The following HS3ST2 variants were observed in gnomAD, a reference collection of about 807,000 sequenced individuals.
HS3ST2 encodes the protein heparan sulfate glucosamine 3-O-sulfotransferase 2.
Under a neutral mutation model 26.3 loss-of-function variants are expected in HS3ST2, and 17 were observed. The observed-to-expected ratio is 0.65, with a 90% CI of 0.44 to 0.97. The LOEUF (loss-of-function observed/expected upper bound fraction) is 0.97. Ranked by LOEUF, HS3ST2 falls within the 50% of genes least tolerant of loss-of-function variation. The probability of loss-of-function intolerance (pLI) is 0.00; values close to 1 mark genes in which losing one functional copy is unlikely to be tolerated. For synonymous variants in HS3ST2, 237 were observed against 219.2 expected (o/e 1.08, Z -0.72); for missense variants, 402 against 501.2 (o/e 0.80, Z 1.89).
In HS3ST2 at chr16:22,815,022, C is replaced by G. The variant is rs770678863; in HGVS notation, c.412C>G (p.Pro138Ala). The G allele has an allele frequency of 6.2e-7, 1 of 1,613,138 alleles. No individual in the cohort carries two copies. Among genetic ancestry groups the G allele is most frequent in the Non-Finnish European group, 8.5e-7 (1 of 1,180,006 alleles). ...CGTGCTGGAGTTTATCCGAGTACAC[C>G]CGGACGTGCGGGCCTTGGGCACGGA... The part of the protein sequence containing the change: ...RAVLEFIRVH[P>A]DVRALGTEPH... Residue 138 changes from proline (P) to alanine (A), a missense_variant, in exon 1 of 2, where the codon CCG becomes GCG. Pro to Ala is a conservative substitution (Grantham distance 27). Coordinates refer to ENST00000261374, the MANE Select transcript of HS3ST2 (RefSeq NM_006043.2).
At chr16:22,820,872 C>T (rs750897958) in intron 1 of HS3ST2, among the ~76,000 whole-genome samples, 1 of 152,168 alleles carries the variant, frequency 6.6e-6, no homozygotes, top group Non-Finnish European at 1.5e-5. Flanking sequence ...TTCTAAGAAG[C>T]GTCTTTAACA....
chr16:22,842,555 C>A (rs71380920), intron 1 of HS3ST2, among the ~76,000 whole-genome samples: 3,466 of 152,142 alleles, frequency 0.023, 97 homozygotes, highest in Admixed American at 0.085. Flanking sequence ...CCTCTGGTGA[C>A]CACCCTTCTA....
intron 1 of HS3ST2, among the ~76,000 whole-genome samples, chr16:22,876,979 G>A (rs904425399): frequency 2.0e-5 from 3 of 152,184 alleles, no homozygotes; most frequent in Non-Finnish European, 2.9e-5. Context: ...AACTTGGGGG[G>A]AAGGATGGAA....
At position 22,821,650 on chromosome 16, in the gene HS3ST2, A is replaced by C. The variant is rs568093472; in HGVS notation, c.485+6555A>C. Among the ~76,000 whole-genome samples the C allele has an allele frequency of 7.2e-5, 11 of 152,170 alleles. 2 individuals are homozygous for C. Among genetic ancestry groups the C allele is most frequent in the African/African-American group, 2.4e-4 (10 of 41,514 alleles). Reference sequence around the variant, plus strand: ...AGCTAACTCCGGTGCAGGTTAATCCATTCGTTTGTCAAATGCTTTCCATTG... The same window carrying C: ...AGCTAACTCCGGTGCAGGTTAATCCCTTCGTTTGTCAAATGCTTTCCATTG... On this transcript the variant is annotated intron_variant, in intron 1 of 1. Coordinates refer to ENST00000261374, the MANE Select transcript of HS3ST2 (RefSeq NM_006043.2).
At chr16:22,821,415 G>C (rs1045339172) in intron 1 of HS3ST2, among the ~76,000 whole-genome samples, 2 of 151,310 alleles carry the variant, frequency 1.3e-5, no homozygotes, top group Non-Finnish European at 2.9e-5. Context: ...AATCATTCCT[G>C]TATGATCGAG....
At chr16:22,836,900 C>A (rs992082251) in intron 1 of HS3ST2, among the ~76,000 whole-genome samples, 2 of 152,022 alleles carry the variant, frequency 1.3e-5, no homozygotes, top group Non-Finnish European at 2.9e-5. Flanking sequence ...TCAAGTGATC[C>A]ACCCACCTCA....
intron 1 of HS3ST2, among the ~76,000 whole-genome samples, chr16:22,910,048 A>AAAG (rs1179617551): frequency 1.3e-5 from 2 of 151,684 alleles, no homozygotes; most frequent in Non-Finnish European, 2.9e-5. Flanking sequence ...AAAAAAAAAA[A>AAAG]AAAAAAGAAA....
At chr16:22,835,371 T>C (rs574209646) in intron 1 of HS3ST2, among the ~76,000 whole-genome samples, 1 of 152,258 alleles carries the variant, frequency 6.6e-6, no homozygotes, top group East Asian at 1.9e-4. Flanking sequence ...AAGAGTAACT[T>C]AGAGAACGAC....
chr16:22,857,517 C>T (rs1305631631), intron 1 of HS3ST2, among the ~76,000 whole-genome samples: 1 of 152,170 alleles, frequency 6.6e-6, no homozygotes, highest in East Asian at 1.9e-4. Flanking sequence ...AATTCACTTA[C>T]AAGTTTGGCC....
In HS3ST2 at chr16:22,915,247, C is replaced by T; in HGVS notation, c.789C>T (p.Tyr263=). The T allele has an allele frequency of 6.2e-7, 1 of 1,614,192 alleles. No individual in the cohort carries two copies. Among genetic ancestry groups the T allele is most frequent in the Non-Finnish European group, 8.5e-7 (1 of 1,180,030 alleles). The part of the protein sequence containing the change: ...YVLHLESWLQ[Y]FPLAQIHFVS... The stretch of plus-strand genomic sequence containing the variant: ...TGCACCTGGAGAGCTGGCTGCAGTA[C>T]TTCCCGCTAGCTCAGATTCACTTCG... The change falls in exon 2 of 2, where the codon TAC becomes TAT. Residue 263 remains tyrosine (Y), a synonymous_variant. Transcript: ENST00000261374.
At chr16:22,911,511 G>A (rs1460472603) in intron 1 of HS3ST2, among the ~76,000 whole-genome samples, 1 of 152,208 alleles carries the variant, frequency 6.6e-6, no homozygotes, top group Non-Finnish European at 1.5e-5. Flanking sequence ...CAGTTCTAGA[G>A]GATAGAAGTC....
At chr16:22,875,369 AATTTATTTATTT>A (rs538593972) in intron 1 of HS3ST2, among the ~76,000 whole-genome samples, 5 of 151,492 alleles carry the variant, frequency 3.3e-5, no homozygotes, top group East Asian at 1.9e-4. Flanking sequence ...ACTTTTAATA[AATTTATTTATTT>A]ATTTATTTAT....
chr16:22,838,286 G>C (rs1357926538), intron 1 of HS3ST2, among the ~76,000 whole-genome samples: 1 of 152,090 alleles, frequency 6.6e-6, no homozygotes, highest in African/African-American at 2.4e-5. Context: ...CCACGACCCA[G>C]GATTTTGAAG....
intron 1 of HS3ST2, among the ~76,000 whole-genome samples, chr16:22,864,421 A>G (rs16973865): frequency 0.092 from 14,056 of 152,260 alleles, 1,285 homozygotes; most frequent in East Asian, 0.3. Context: ...ATTGGTTTGA[A>G]CACATGGAAG....
chr16:22,816,277 A>G (rs747226785), intron 1 of HS3ST2, among the ~76,000 whole-genome samples: 1 of 152,228 alleles, frequency 6.6e-6, no homozygotes, highest in Non-Finnish European at 1.5e-5. Flanking sequence ...TAGCTGACAG[A>G]GTAGCTGAGG....
chr16:22,824,833 G>T (rs1901059122), intron 1 of HS3ST2, among the ~76,000 whole-genome samples: 1 of 152,152 alleles, frequency 6.6e-6, no homozygotes, highest in Non-Finnish European at 1.5e-5. Context: ...AAGGGAGATG[G>T]CTTTCTTCCA....
intron 1 of HS3ST2, among the ~76,000 whole-genome samples, chr16:22,914,510 A>C (rs1032789552): frequency 6.6e-6 from 1 of 152,006 alleles, no homozygotes; most frequent in Non-Finnish European, 1.5e-5. Flanking sequence ...GTTCGAGACT[A>C]GCCTGGCAAC....
At chr16:22,850,934 C>T (rs1411484349) in intron 1 of HS3ST2, among the ~76,000 whole-genome samples, 1 of 152,212 alleles carries the variant, frequency 6.6e-6, no homozygotes, top group Non-Finnish European at 1.5e-5. Context: ...TCAAGCATGA[C>T]TTACCTGCAT....
intron 1 of HS3ST2, among the ~76,000 whole-genome samples, chr16:22,834,953 A>ATTTC (rs56004403): frequency 0.24 from 35,960 of 151,498 alleles, 4,893 homozygotes; most frequent in African/African-American, 0.37. Flanking sequence ...TGTTGGAGAT[A>ATTTC]TTTCTTTCCA....
Sources: gnomAD v4.1 joint callset for allele counts (sites outside exome capture counted in the v4.1 genomes callset) on GRCh38, gnomAD v4.1.1 for gene constraint, MANE v1.5 for transcripts, NCBI Gene and HGNC (gene_info 2026-07-23, HGNC 2026-07-21) for gene names.